Variants in ZC3H10 observed in about 807,000 individuals in gnomAD.
ZC3H10 encodes the protein zinc finger CCCH-type containing 10.
Under a neutral mutation model 24.3 loss-of-function variants are expected in ZC3H10, and 12 were observed. The ratio of observed to expected loss-of-function variants is 0.49; its 90% CI spans 0.32 to 0.80. The LOEUF is 0.80. Among genes scored for constraint, ZC3H10 ranks in the 30% least tolerant of loss-of-function variants. The pLI is 0.04. For missense variants in ZC3H10, 360 were observed against 576.3 expected, an observed-to-expected ratio of 0.62 and a Z score of 3.84; for synonymous variants, 226 against 217.0, an observed-to-expected ratio of 1.04 and a Z score of -0.36.
At chr12:56,120,194 C>T in intron 2 of ZC3H10, 1 of 1,034,680 alleles carries the variant, frequency 9.7e-7, no homozygotes, top group South Asian at 4.2e-5. Flanking sequence ...ATACTGACTG[C>T]AGTTTTAATT....
Position 56,120,772 on chromosome 12 carries a change from G to T in ZC3H10, c.210G>T (p.Gly70=). ...HPDMSEVSNL[G]VSKNEFIFCH... is the part of the protein sequence containing the mutation. ...ACATGAGCGAGGTGTCCAACTTGGG[G>T]GTGAGCAAAAACGAGTTCATCTTCT... is the stretch of plus-strand genomic sequence containing the variant. Residue 70 remains glycine, a synonymous_variant, in exon 3 of 3, where the codon GGG becomes GGT. Coordinates refer to ENST00000257940, the MANE Select transcript of ZC3H10 (RefSeq NM_032786.3). The T allele has an allele frequency of 6.2e-7, 1 of 1,614,174 alleles. No individual in the cohort carries two copies. Among genetic ancestry groups the T allele is most frequent in the East Asian group, 2.2e-5 (1 of 44,886 alleles).
chr12:56,121,093 A>G lies in ZC3H10; in HGVS notation c.531A>G (p.Ser177=). The G allele has an allele frequency of 6.2e-7, 1 of 1,614,214 alleles. No individual in the cohort carries two copies. Among genetic ancestry groups the G allele is most frequent in the East Asian group, 2.2e-5 (1 of 44,890 alleles). Residue 177 remains serine (S), a synonymous_variant, in exon 3 of 3, where the codon TCA becomes TCG. Coordinates refer to ENST00000257940, the MANE Select transcript of ZC3H10 (RefSeq NM_032786.3). The surrounding 1 kb of genome is among the most constrained non-coding windows in gnomAD (Gnocchi z 6.2). ...GTGGAGGAGGCACTGGTGGGGGCTCAACAGGCTCAGTCCTCCCAGGACGAC... is the reference window on the plus strand; with the variant it reads ...GTGGAGGAGGCACTGGTGGGGGCTCGACAGGCTCAGTCCTCCCAGGACGAC... ...ARGGGGTGGG[S]TGSVLPGRRH...
chr12:56,122,201 CACAGGTTCCA>C lies in ZC3H10; in HGVS notation c.*335_*344del, dbSNP rs1478723607. The C allele has an allele frequency of 3.4e-6, 1 of 292,374 alleles. No homozygotes were observed. The highest frequency in any genetic ancestry group is 6.8e-6 in the Non-Finnish European group (1 of 147,234). The allele number at this position is 292,374 out of a possible 1,614,324, so 18.1% of individuals were successfully genotyped here. ...TCGTCTTGTCCTCTCTTCTGCACAGCACAGGTTCCAGCACTGGTTTTAGAAGAAAAAAATA... is the reference window on the plus strand; with the variant it reads ...TCGTCTTGTCCTCTCTTCTGCACAGCGCACTGGTTTTAGAAGAAAAAAATA... On this transcript the variant is annotated 3_prime_UTR_variant, in exon 3 of 3. Transcript: ENST00000257940.
Position 56,124,318 on chromosome 12 carries a change from T to C in ZC3H10, c.*2451T>C, listed in dbSNP as rs1274194273. 6.6e-6 allele frequency: 1 copy of C among 152,214 alleles called. No individual in the cohort carries two copies. Among genetic ancestry groups the C allele is most frequent in the Non-Finnish European group, 1.5e-5 (1 of 68,038 alleles). 9.4% of individuals were successfully genotyped at this position (152,214 alleles called of 1,614,324 possible). The stretch of plus-strand genomic sequence containing the variant: ...AGTGACCTTGTCTGATGCTGGTGTT[T>C]TGTGAGATTGTTTGTGTCCAAGAGA... On this transcript the variant is annotated 3_prime_UTR_variant, in exon 3 of 3. Transcript: ENST00000257940.
intron 2 of ZC3H10, chr12:56,120,273 T>C (rs757992506): frequency 1.3e-5 from 13 of 985,472 alleles, no homozygotes; most frequent in Non-Finnish European, 1.6e-5. Flanking sequence ...TTTTCCCTGC[T>C]CCGTCCTGGG....
chr12:56,121,968 C>T lies in ZC3H10; in HGVS notation c.*101C>T. On this transcript the variant is annotated 3_prime_UTR_variant, in exon 3 of 3. Transcript: ENST00000257940. This position sits in a 1 kb window ranked among gnomAD's most constrained non-coding sequence, Gnocchi z 6.2. Reference sequence around the variant, plus strand: ...TCCCCATCCCTGTCTGAAGGGCTCCCTTGAGAACTAGGACAAGAGACTACA... The same window carrying T: ...TCCCCATCCCTGTCTGAAGGGCTCCTTTGAGAACTAGGACAAGAGACTACA... The T allele has an allele frequency of 7.4e-7, 1 of 1,355,364 alleles. No homozygotes were observed. Among genetic ancestry groups the T allele is most frequent in the Non-Finnish European group, 9.9e-7 (1 of 1,006,142 alleles). 84.0% of individuals were successfully genotyped at this position (1,355,364 alleles called of 1,614,324 possible). A position where few individuals can be genotyped will look rare whatever the true frequency, so the allele number is the denominator to read the frequency against.
At position 56,121,358 on chromosome 12, in the gene ZC3H10, G is replaced by A. The variant is rs1429973217; in HGVS notation, c.796G>A (p.Glu266Lys). ...GGTCAGCAACCTGCTGGCCACCAAT[G>A]AGGTACTACTGGAACAAAATGCTCA... ...KQVSNLLATN[E>K]VLLEQNAQFR... Residue 266 changes from glutamate to lysine, a missense_variant, in exon 3 of 3, where the codon GAG becomes AAG. Physicochemically the swap from Glu to Lys is moderately conservative, Grantham distance 56 (BLOSUM62 1). Coordinates refer to ENST00000257940, the MANE Select transcript of ZC3H10 (RefSeq NM_032786.3). The surrounding 1 kb of genome is among the most constrained non-coding windows in gnomAD (Gnocchi z 6.2). The A allele has an allele frequency of 6.2e-7, 1 of 1,613,938 alleles. No individual in the cohort carries two copies. Among genetic ancestry groups the A allele is most frequent in the African/African-American group, 1.3e-5 (1 of 74,904 alleles).
rs747855512 is a variant in ZC3H10 at position 56,121,743 on chromosome 12, T to G, written c.1181T>G (p.Val394Gly). Residue 394 changes from valine (V) to glycine (G), a missense_variant, in exon 3 of 3, where the codon GTG becomes GGG. Physicochemically the swap from Val to Gly is moderately radical, Grantham distance 109. Coordinates refer to ENST00000257940, the MANE Select transcript of ZC3H10 (RefSeq NM_032786.3). The surrounding 1 kb of genome is among the most constrained non-coding windows in gnomAD (Gnocchi z 6.2). ...CCTGTGGCTGTATCTGTGGCTCCTGTGGCCCCTGTGGCTGTATCGATGGCC... is the reference window on the plus strand; with the variant it reads ...CCTGTGGCTGTATCTGTGGCTCCTGGGGCCCCTGTGGCTGTATCGATGGCC... ...MAPVAVSVAPVAPVAVSMAQP... is the reference protein window; with the variant it reads ...MAPVAVSVAPGAPVAVSMAQP... 8.7e-6 allele frequency: 14 copies of G among 1,614,164 alleles called. No individual in the cohort carries two copies. Among genetic ancestry groups the G allele is most frequent in the Non-Finnish European group, 1.2e-5 (14 of 1,180,034 alleles).
rs973506684 is a variant in ZC3H10 at position 56,127,325 on chromosome 12, C to G, written c.*5458C>G. On this transcript the variant is annotated 3_prime_UTR_variant, in exon 3 of 3. Coordinates refer to ENST00000257940, the MANE Select transcript of ZC3H10 (RefSeq NM_032786.3). ...AAATGTGAAAAGGAATTGTCTTTCC[C>G]TTACTCTTGATCCCTCATTTTAGTG... is the stretch of plus-strand genomic sequence containing the variant. 2.6e-5 allele frequency: 4 copies of G among 152,210 alleles called. No individual in the cohort carries two copies. Among genetic ancestry groups the G allele is most frequent in the African/African-American group, 9.6e-5 (4 of 41,458 alleles). The allele number at this position is 152,210 out of a possible 1,614,324, so 9.4% of individuals were successfully genotyped here. A position where few individuals can be genotyped will look rare whatever the true frequency, so the allele number is the denominator to read the frequency against.
chr12:56,121,255 A>G lies in ZC3H10; in HGVS notation c.693A>G (p.Pro231=), dbSNP rs754358164. The G allele has an allele frequency of 2.5e-6, 4 of 1,613,424 alleles. No homozygotes were observed. Among genetic ancestry groups the G allele is most frequent in the Non-Finnish European group, 3.4e-6 (4 of 1,180,012 alleles). The part of the protein sequence containing the change: ...HFESYEYSLA[P]PRGVECRLLE... ...AGTCATATGAATATAGTTTGGCTCC[A>G]CCGCGAGGGGTGGAGTGCAGACTGC... is the stretch of plus-strand genomic sequence containing the variant. The change falls in exon 3 of 3, where the codon CCA becomes CCG. Residue 231 remains proline, a synonymous_variant. Transcript: ENST00000257940. The surrounding 1 kb of genome is among the most constrained non-coding windows in gnomAD (Gnocchi z 6.2).
chr12:56,121,623 C>G lies in ZC3H10; in HGVS notation c.1061C>G (p.Pro354Arg), dbSNP rs1193588514. 6.2e-7 allele frequency: 1 copy of G among 1,613,182 alleles called. No individual in the cohort carries two copies. Among genetic ancestry groups the G allele is most frequent in the South Asian group, 1.1e-5 (1 of 91,016 alleles). ...GCACCTCCTGCTGCTCCACCACCCC[C>G]ACCCCCACACTTGACCCCAGAGATC... ...NAAPPAAPPP[P>R]PPHLTPEITP... is the part of the protein sequence containing the mutation. The change falls in exon 3 of 3, where the codon CCA becomes CGA. Residue 354 changes from proline to arginine, a missense_variant. Transcript: ENST00000257940. The surrounding 1 kb of genome is among the most constrained non-coding windows in gnomAD (Gnocchi z 6.2).
chr12:56,122,024 G>C lies in ZC3H10; in HGVS notation c.*157G>C, dbSNP rs1300794713. On this transcript the variant is annotated 3_prime_UTR_variant, in exon 3 of 3. Coordinates refer to ENST00000257940, the MANE Select transcript of ZC3H10 (RefSeq NM_032786.3). ...TATGTCCTGAGGAGGGGTTGGGATG[G>C]TGTGTTTTCTCTCACCTCCCTTTTA... 1.1e-6 allele frequency: 1 copy of C among 930,980 alleles called. No homozygotes were observed. The highest frequency in any genetic ancestry group is 1.6e-6 in the Non-Finnish European group (1 of 635,170). 57.7% of individuals were successfully genotyped at this position (930,980 alleles called of 1,614,324 possible).
intron 1 of ZC3H10, chr12:56,118,556 C>G (rs1174225279): frequency 1.3e-5 from 2 of 152,382 alleles, no homozygotes; most frequent in East Asian, 1.9e-4. Flanking sequence ...CTCCAGCTCC[C>G]CGCTTCACTT....
Position 56,121,100 on chromosome 12 carries a change from T to C in ZC3H10, c.538T>C (p.Ser180Pro). 6.2e-7 allele frequency: 1 copy of C among 1,614,162 alleles called. No homozygotes were observed. Among genetic ancestry groups the C allele is most frequent in the South Asian group, 1.1e-5 (1 of 91,082 alleles). ...AGGCACTGGTGGGGGCTCAACAGGC[T>C]CAGTCCTCCCAGGACGACGTCATGA... ...GGGTGGGSTG[S>P]VLPGRRHDLY... The change falls in exon 3 of 3, where the codon TCA becomes CCA. Residue 180 changes from serine (S) to proline (P), a missense_variant. Ser to Pro is a moderately conservative substitution (Grantham distance 74). Around this residue, in one of 3 missense-constraint regions of ZC3H10, gnomAD observed 101 missense variants for 110.8 expected, o/e 0.91. Coordinates refer to ENST00000257940, the MANE Select transcript of ZC3H10 (RefSeq NM_032786.3). This position sits in a 1 kb window ranked among gnomAD's most constrained non-coding sequence, Gnocchi z 6.2.
chr12:56,121,621 C>A lies in ZC3H10; in HGVS notation c.1059C>A (p.Pro353=). The A allele has an allele frequency of 1.9e-6, 3 of 1,613,122 alleles. No individual in the cohort carries two copies. Among genetic ancestry groups the A allele is most frequent in the Non-Finnish European group, 2.5e-6 (3 of 1,179,334 alleles). Residue 353 remains proline, a synonymous_variant, in exon 3 of 3, where the codon CCC becomes CCA. Transcript: ENST00000257940. The surrounding 1 kb of genome is among the most constrained non-coding windows in gnomAD (Gnocchi z 6.2). ...TNAAPPAAPP[P]PPPHLTPEIT... ...CTGCACCTCCTGCTGCTCCACCACC[C>A]CCACCCCCACACTTGACCCCAGAGA...
rs1302278491 is a variant in ZC3H10 at position 56,124,512 on chromosome 12, A to G, written c.*2645A>G. On this transcript the variant is annotated 3_prime_UTR_variant, in exon 3 of 3. Transcript: ENST00000257940. ...TTAATCGTAGCATTTTTTCCATGCA[A>G]ATGGCTCTGGTTAAAAAATAATGAG... is the stretch of plus-strand genomic sequence containing the variant. 14 of 152,228 alleles carry G rather than the reference A, an allele frequency of 9.2e-5. No individual in the cohort carries two copies. The highest frequency in any genetic ancestry group is 9.2e-4 in the Admixed American group (14 of 15,280). The allele number at this position is 152,228 out of a possible 1,614,324, so 9.4% of individuals were successfully genotyped here.
rs1308108064 is a variant in ZC3H10 at position 56,127,338 on chromosome 12, C to T, written c.*5471C>T. 6.6e-6 allele frequency: 1 copy of T among 152,162 alleles called. No homozygotes were observed. Among genetic ancestry groups the T allele is most frequent in the Non-Finnish European group, 1.5e-5 (1 of 68,032 alleles). The allele number at this position is 152,162 out of a possible 1,614,324, so 9.4% of individuals were successfully genotyped here. ...AATTGTCTTTCCCTTACTCTTGATC[C>T]CTCATTTTAGTGTCCTAGAAGTTCT... On this transcript the variant is annotated 3_prime_UTR_variant, in exon 3 of 3. Coordinates refer to ENST00000257940, the MANE Select transcript of ZC3H10 (RefSeq NM_032786.3).
rs566416960 is a variant in ZC3H10, at chr12:56,123,836, A to G, written c.*1969A>G. ...TTTCCTCCTTGCCAGGTTATCTCCA[A>G]AGAGGTAGATTTGGGAAATTTTAGA... is the stretch of plus-strand genomic sequence containing the variant. On this transcript the variant is annotated 3_prime_UTR_variant, in exon 3 of 3. Coordinates refer to ENST00000257940, the MANE Select transcript of ZC3H10 (RefSeq NM_032786.3). 3 of 152,244 alleles carry G rather than the reference A, an allele frequency of 2.0e-5. No individual in the cohort carries two copies. Among genetic ancestry groups the G allele is most frequent in the Admixed American group, 2.0e-4 (3 of 15,300 alleles). 9.4% of individuals were successfully genotyped at this position (152,244 alleles called of 1,614,324 possible). A position where few individuals can be genotyped will look rare whatever the true frequency, so the allele number is the denominator to read the frequency against.
In ZC3H10 at chr12:56,126,890, G is replaced by A. The variant is rs1301368687; in HGVS notation, c.*5023G>A. 6.6e-6 allele frequency: 1 copy of A among 152,208 alleles called. No homozygotes were observed. The highest frequency in any genetic ancestry group is 6.5e-5 in the Admixed American group (1 of 15,282). The allele number at this position is 152,208 out of a possible 1,614,324, so 9.4% of individuals were successfully genotyped here. The stretch of plus-strand genomic sequence containing the variant: ...AGTGATAGAGGCTGAGCAGGGACAG[G>A]TTTTAAGCAGCTTTGGTAAACACAG... On this transcript the variant is annotated 3_prime_UTR_variant, in exon 3 of 3. Transcript: ENST00000257940.
Sources: allele counts gnomAD v4.1 joint callset, GRCh38; gene constraint gnomAD v4.1.1; regional missense constraint gnomAD v4.1.1; non-coding constraint Gnocchi (gnomAD v3.1); transcripts MANE v1.5; gene names NCBI Gene and HGNC (gene_info 2026-07-23, HGNC 2026-07-21).